Variants in WWOX observed in about 807,000 individuals in gnomAD.
WWOX encodes WW domain-containing oxidoreductase.
In WWOX, 69 loss-of-function variants were observed where a neutral mutation model predicts 46.2. That is an observed-to-expected ratio of 1.49 (90% confidence interval 1.23 to 1.82). The LOEUF (loss-of-function observed/expected upper bound fraction) is 1.82, where lower values mean the gene tolerates loss of function less well. Among genes scored for constraint, WWOX ranks in the 40% most tolerant of loss-of-function variants. The pLI is 0.00. For synonymous variants in WWOX, 359 were observed against 202.6 expected (o/e 1.77, Z -6.56); for missense variants, 919 against 542.6 (o/e 1.69, Z -6.89).
intron 8 of WWOX, among the ~76,000 whole-genome samples, chr16:78,971,320 TG>T (rs2046464193): frequency 6.6e-6 from 1 of 151,384 alleles, no homozygotes; most frequent in South Asian, 2.1e-4. Flanking sequence ...AAAAATTAGG[TG>T]GCAGGCACTT....
At chr16:78,942,589 A>G (rs1262708673) in intron 8 of WWOX, among the ~76,000 whole-genome samples, 3 of 144,206 alleles carry the variant, frequency 2.1e-5, no homozygotes, top group Non-Finnish European at 4.4e-5. Flanking sequence ...AATCAAGGAG[A>G]GCGTTACATT....
At chr16:79,141,957 C>T (rs1226329383) in intron 8 of WWOX, among the ~76,000 whole-genome samples, 1 of 152,254 alleles carries the variant, frequency 6.6e-6, no homozygotes, top group Non-Finnish European at 1.5e-5. Context: ...GTGATAAGCC[C>T]GTCTAGCAGG....
In WWOX at chr16:79,008,687, A is replaced by T. The variant is rs115261173; in HGVS notation, c.1057-202921A>T. Reference sequence around the variant, plus strand: ...AGGTCATACTGATGTCACTCTCCCTACTCCCTTCACTCCCTCCAGCACCTG... The same window carrying T: ...AGGTCATACTGATGTCACTCTCCCTTCTCCCTTCACTCCCTCCAGCACCTG... On this transcript the variant is annotated intron_variant, in intron 8 of 8. Transcript: ENST00000566780. 9.3e-3 allele frequency among the ~76,000 whole-genome samples: 1,406 copies of T among 151,676 alleles called. 27 individuals carry two copies. The highest frequency in any genetic ancestry group is 0.033 in the African/African-American group (1,344 of 41,344).
At chr16:79,008,812 G>T (rs778639055) in intron 8 of WWOX, among the ~76,000 whole-genome samples, 2 of 152,136 alleles carry the variant, frequency 1.3e-5, no homozygotes, top group Admixed American at 6.5e-5. Context: ...CCCCACAAAC[G>T]TGCACCTGCA....
chr16:78,984,178 A>T (rs1181131508), intron 8 of WWOX, among the ~76,000 whole-genome samples: 4 of 152,022 alleles, frequency 2.6e-5, no homozygotes, highest in Non-Finnish European at 5.9e-5. Flanking sequence ...GCGCCCGGCC[A>T]GAGGGCTATT....
At chr16:78,664,465 C>A (rs570527009) in intron 8 of WWOX, among the ~76,000 whole-genome samples, 3 of 152,200 alleles carry the variant, frequency 2.0e-5, no homozygotes, top group African/African-American at 7.2e-5. Flanking sequence ...CAGGCTGGAT[C>A]ATTACCAGCC....
At chr16:79,205,076 G>C (rs879620697) in intron 8 of WWOX, 12 of 152,216 alleles carry the variant, frequency 7.9e-5, no homozygotes, top group Non-Finnish European at 1.6e-4. Context: ...CCGTAAACAG[G>C]AAAGGCCACA....
chr16:79,055,788 C>A (rs2048250992), intron 8 of WWOX, among the ~76,000 whole-genome samples: 1 of 152,124 alleles, frequency 6.6e-6, no homozygotes, highest in South Asian at 2.1e-4. Flanking sequence ...ATGTAGCAAC[C>A]AAACAGTTTC....
chr16:79,025,137 T>A (rs2047612342), intron 8 of WWOX, among the ~76,000 whole-genome samples: 1 of 152,116 alleles, frequency 6.6e-6, no homozygotes, highest in Non-Finnish European at 1.5e-5. Flanking sequence ...TTGTTTTGTT[T>A]TGTTTTGCTT....
intron 5 of WWOX, among the ~76,000 whole-genome samples, chr16:78,386,134 T>G (rs2082055688): frequency 6.6e-6 from 1 of 152,228 alleles, no homozygotes; most frequent in Non-Finnish European, 1.5e-5. Context: ...CTCTGTGATC[T>G]CTTGTAAGAT....
intron 8 of WWOX, among the ~76,000 whole-genome samples, chr16:78,997,796 G>A (rs533057336): frequency 6.6e-6 from 1 of 152,146 alleles, no homozygotes; most frequent in Non-Finnish European, 1.5e-5. Context: ...GATGGGGACC[G>A]GAATAGATTT....
intron 5 of WWOX, among the ~76,000 whole-genome samples, chr16:78,319,703 G>A (rs1355130410): frequency 2.6e-5 from 4 of 152,132 alleles, no homozygotes; most frequent in Admixed American, 1.3e-4. Context: ...TATCACATGC[G>A]TAGGTTCATT....
intron 8 of WWOX, among the ~76,000 whole-genome samples, chr16:78,987,974 A>C (rs12449026): frequency 0.02 from 3,057 of 152,108 alleles, 56 homozygotes; most frequent in Non-Finnish European, 0.032. Flanking sequence ...AAATTGAGTA[A>C]TTTCAAGAAA....
chr16:78,894,620 G>A lies in WWOX; in HGVS notation c.1057-316988G>A, dbSNP rs73581209. Among the ~76,000 whole-genome samples, 1,224 of 152,128 alleles carry A rather than the reference G, an allele frequency of 8.0e-3. 19 individuals carry two copies. The highest frequency in any genetic ancestry group is 0.028 in the African/African-American group (1,168 of 41,474). On this transcript the variant is annotated intron_variant, in intron 8 of 8. Transcript: ENST00000566780. ...CATGAAACAAATTGATTAATGTGTCGAGGGAGCAAGGTGGTACTTATACCT... is the reference window on the plus strand; with the variant it reads ...CATGAAACAAATTGATTAATGTGTCAAGGGAGCAAGGTGGTACTTATACCT...
At chr16:79,075,585 C>G (rs1168301098) in intron 8 of WWOX, among the ~76,000 whole-genome samples, 2 of 150,680 alleles carry the variant, frequency 1.3e-5, no homozygotes, top group Non-Finnish European at 2.9e-5. Context: ...CGGAGTCTTG[C>G]TCTGTCACCC....
intron 8 of WWOX, among the ~76,000 whole-genome samples, chr16:78,961,425 G>C (rs955782958): frequency 1.3e-5 from 2 of 152,096 alleles, no homozygotes; most frequent in African/African-American, 2.4e-5. Flanking sequence ...CAGATATATA[G>C]CTATGGGATA....
intron 6 of WWOX, among the ~76,000 whole-genome samples, chr16:78,415,561 C>G (rs1037423707): frequency 1.3e-5 from 2 of 152,172 alleles, no homozygotes; most frequent in African/African-American, 4.8e-5. Flanking sequence ...TGACAAACCT[C>G]TGAGACTAAG....
intron 5 of WWOX, among the ~76,000 whole-genome samples, chr16:78,266,602 C>G (rs927746071): frequency 2.6e-5 from 4 of 152,160 alleles, no homozygotes; most frequent in African/African-American, 9.7e-5. Flanking sequence ...TGCTGACTAC[C>G]TGTAGGGATG....
chr16:78,283,263 A>G (rs2151855842), intron 5 of WWOX, among the ~76,000 whole-genome samples: 1 of 152,288 alleles, frequency 6.6e-6, no homozygotes, highest in Non-Finnish European at 1.5e-5. Context: ...AACGATGCAG[A>G]CACAGAAATT....
Sources: allele counts gnomAD v4.1 joint callset (sites outside exome capture counted in the v4.1 genomes callset), GRCh38; gene constraint gnomAD v4.1.1; transcripts MANE v1.5; gene names NCBI Gene and HGNC (gene_info 2026-07-23, HGNC 2026-07-21).